The following NEK5 variants were observed in gnomAD, a reference collection of about 807,000 sequenced individuals.
NEK5 encodes NIMA related kinase 5, also known as serine/threonine-protein kinase Nek5.
In NEK5, 88 loss-of-function variants were observed where a neutral mutation model predicts 109.2. The observed-to-expected ratio is 0.81, with a 90% CI of 0.68 to 0.96. The LOEUF (loss-of-function observed/expected upper bound fraction) is 0.96. NEK5 is among the 40% of genes least tolerant of loss of function. The pLI is 0.00. For missense variants in NEK5, 834 were observed against 920.7 expected (o/e 0.91, Z 1.22); for synonymous variants, 283 against 299.9 (o/e 0.94, Z 0.58).
intron 8 of NEK5, among the ~76,000 whole-genome samples, chr13:52,104,996 C>G (rs954945568): frequency 1.3e-5 from 2 of 152,282 alleles, no homozygotes; most frequent in South Asian, 2.1e-4. Context: ...GTATCTGATT[C>G]TCAATAAACA....
At position 52,037,026 on chromosome 13, in the gene NEK5, A is replaced by G; in HGVS notation, c.2421T>C (p.Ser807=). ...EELREGLENI[S]TTSNDHICIT... ...TACAAATGTGGTCATTAGATGTAGT[A>G]GAAATATTCTCCAAGCCCTCCCTTA... The change falls in exon 24 of 24, where the codon TCT becomes TCC. Residue 807 remains serine (S), a synonymous_variant. Coordinates refer to ENST00000684899, the MANE Select transcript of NEK5 (RefSeq NM_001365552.1). 1.0e-6 allele frequency: 1 copy of G among 985,250 alleles called. No individual in the cohort carries two copies. Among genetic ancestry groups the G allele is most frequent in the Non-Finnish European group, 1.2e-6 (1 of 829,758 alleles). The allele number at this position is 985,250 out of a possible 1,614,324, so 61.0% of individuals were successfully genotyped here.
chr13:52,053,336 A>G (rs1158855541), intron 22 of NEK5, among the ~76,000 whole-genome samples: 2 of 152,184 alleles, frequency 1.3e-5, no homozygotes, highest in African/African-American at 4.8e-5. Flanking sequence ...AGGAAAAATT[A>G]TTTGAAAACT....
intron 17 of NEK5, among the ~76,000 whole-genome samples, chr13:52,080,439 T>C (rs1425207824): frequency 7.2e-5 from 11 of 151,922 alleles, no homozygotes; most frequent in Non-Finnish European, 1.5e-4. Context: ...GGCGGTTTTG[T>C]GGAATAGAAA....
chr13:52,081,361 C>A (rs916976114), intron 17 of NEK5, among the ~76,000 whole-genome samples: 3 of 151,984 alleles, frequency 2.0e-5, no homozygotes, highest in African/African-American at 7.2e-5. Context: ...ATATCAGATG[C>A]CTTTTCTTTT....
At position 52,093,177 on chromosome 13, in the gene NEK5, T is replaced by C. The variant is rs1955329456; in HGVS notation, c.1085A>G (p.Tyr362Cys). 2 of 1,613,542 alleles carry C rather than the reference T, an allele frequency of 1.2e-6. No homozygotes were observed. Among genetic ancestry groups the C allele is most frequent in the Non-Finnish European group, 1.7e-6 (2 of 1,179,496 alleles). ...CCTCCTCAGCATATCAAGTTGAGCATAATAATAATCATAATGTCCACAGAC... is the reference window on the plus strand; with the variant it reads ...CCTCCTCAGCATATCAAGTTGAGCACAATAATAATCATAATGTCCACAGAC... ...AAVCGHYDYYYAQLDMLRRRA... is the reference protein window; with the variant it reads ...AAVCGHYDYYCAQLDMLRRRA... Residue 362 changes from tyrosine (Y) to cysteine (C), a missense_variant, in exon 13 of 24, where the codon TAT becomes TGT. Around this residue, in one of 2 missense-constraint regions of NEK5, gnomAD observed 777 missense variants for 824.7 expected, o/e 0.94. Transcript: ENST00000684899.
At chr13:52,076,920 G>GGATAGGTAATAAAT (rs1261097139) in intron 17 of NEK5, among the ~76,000 whole-genome samples, 1 of 152,170 alleles carries the variant, frequency 6.6e-6, no homozygotes, top group Non-Finnish European at 1.5e-5. Context: ...ACATTTTACT[G>GGATAGGTAATAAAT]GAGTAGGATA....
intron 17 of NEK5, among the ~76,000 whole-genome samples, chr13:52,079,150 A>T (rs1954922648): frequency 6.6e-6 from 1 of 152,236 alleles, no homozygotes; most frequent in Admixed American, 6.5e-5. Context: ...CTTCACCAGG[A>T]GGTCTGATAG....
chr13:52,049,472 T>C (rs1288890990), intron 23 of NEK5, among the ~76,000 whole-genome samples: 1 of 151,944 alleles, frequency 6.6e-6, no homozygotes, highest in Non-Finnish European at 1.5e-5. Flanking sequence ...TAATCCCAAA[T>C]ATGCCAATTC....
At chr13:52,101,685 T>A (rs1048053464) in intron 11 of NEK5, among the ~76,000 whole-genome samples, 2 of 152,206 alleles carry the variant, frequency 1.3e-5, no homozygotes, top group African/African-American at 4.8e-5. Context: ...TCTATTAGCA[T>A]GTCCTCTGCT....
intron 16 of NEK5, among the ~76,000 whole-genome samples, chr13:52,084,762 A>AGTGTGTGTGTGTGT (rs368429926): frequency 3.0e-4 from 14 of 47,436 alleles, no homozygotes; most frequent in South Asian, 7.8e-4. Flanking sequence ...AGAGAGAGAG[A>AGTGTGTGTGTGTGT]GTGTGTGTGT....
At chr13:52,055,419 C>A (rs9535839) in intron 22 of NEK5, among the ~76,000 whole-genome samples, 6,012 of 152,116 alleles carry the variant, frequency 0.04, 144 homozygotes, top group South Asian at 0.09. Context: ...GCAAGGCAGG[C>A]CAACATTCAG....
chr13:52,127,231 G>C, intron 3 of NEK5, 135 bp downstream of exon 3: 1 of 595,570 alleles, frequency 1.7e-6, no homozygotes, highest in Non-Finnish European at 3.0e-6. Context: ...AATGGACTTA[G>C]GAGGTTGAAT....
At chr13:52,050,970 G>A (rs528376174) in intron 22 of NEK5, among the ~76,000 whole-genome samples, 2 of 151,370 alleles carry the variant, frequency 1.3e-5, no homozygotes, top group Admixed American at 1.3e-4. Context: ...CACCTGCCTC[G>A]GCCTCCCAAA....
At chr13:52,101,156 T>C (rs1013950963) in intron 11 of NEK5, among the ~76,000 whole-genome samples, 9 of 152,148 alleles carry the variant, frequency 5.9e-5, no homozygotes, top group Non-Finnish European at 7.4e-5. Flanking sequence ...CCCAGCACTT[T>C]GGGAGGCAGA....
At chr13:52,095,676 C>T (rs949415874) in intron 12 of NEK5, among the ~76,000 whole-genome samples, 5 of 152,152 alleles carry the variant, frequency 3.3e-5, no homozygotes, top group Admixed American at 1.3e-4. Flanking sequence ...TCACTAGAGC[C>T]CAGGAATTCA....
intron 13 of NEK5, among the ~76,000 whole-genome samples, chr13:52,092,343 T>C (rs904931075): frequency 3.9e-5 from 6 of 152,098 alleles, no homozygotes; most frequent in Non-Finnish European, 7.4e-5. Context: ...CACGTAATTG[T>C]TATAAGCTTG....
chr13:52,118,239 T>C (rs1955900053), intron 4 of NEK5, among the ~76,000 whole-genome samples: 1 of 152,218 alleles, frequency 6.6e-6, no homozygotes, highest in African/African-American at 2.4e-5. Context: ...GGTTAACACT[T>C]CTGCTCCATG....
chr13:52,115,601 C>CAAAAAA (rs71088014), intron 4 of NEK5, among the ~76,000 whole-genome samples: 1 of 49,224 alleles, frequency 2.0e-5, no homozygotes, highest in African/African-American at 1.0e-4. Flanking sequence ...GAGACTCCGT[C>CAAAAAA]AAAAAAAAAA....
At chr13:52,074,896 GA>G (rs1273183213) in intron 19 of NEK5, among the ~76,000 whole-genome samples, 4 of 152,168 alleles carry the variant, frequency 2.6e-5, no homozygotes, top group Non-Finnish European at 5.9e-5. Context: ...CTAATTATCA[GA>G]GAACTACAAA....
Sources: allele counts gnomAD v4.1 joint callset (sites outside exome capture counted in the v4.1 genomes callset), GRCh38; gene constraint gnomAD v4.1.1; regional missense constraint gnomAD v4.1.1; transcripts MANE v1.5; gene names NCBI Gene and HGNC (gene_info 2026-07-23, HGNC 2026-07-21).